Variants in TUBAL3 observed in about 807,000 individuals in gnomAD.
TUBAL3 encodes the protein tubulin alpha like 3.
TUBAL3 carries 16 observed loss-of-function variants against 15.5 expected under a neutral mutation model. The ratio of observed to expected loss-of-function variants is 1.04; its 90% CI spans 0.70 to 1.57. TUBAL3 has a LOEUF of 1.57. TUBAL3 is among the 40% of genes most tolerant of loss of function. TUBAL3 has a pLI of 0.00. For synonymous variants in TUBAL3, 238 were observed against 224.3 expected (o/e 1.06, Z -0.55); for missense variants, 609 against 576.2 (o/e 1.06, Z -0.58).
In TUBAL3 at chr10:5,394,344, T is replaced by C; in HGVS notation, c.514A>G (p.Thr172Ala). The change falls in exon 4 of 4, where the codon ACT (threonine) becomes GCT (alanine). Residue 172 changes from threonine to alanine, a missense_variant. Transcript: ENST00000380419. This position sits in a 1 kb window ranked among gnomAD's most constrained non-coding sequence, Gnocchi z 4.3. ...GGGTAGACCGAGAACTCCAGCTTAG[T>C]CTTTCTGCTATATTCTCCTGTGAGC... Reference protein sequence around the residue: ...ERLTGEYSRKTKLEFSVYPAP... With the variant: ...ERLTGEYSRKAKLEFSVYPAP... 6.2e-7 allele frequency: 1 copy of C among 1,614,182 alleles called. No individual in the cohort carries two copies. The highest frequency in any genetic ancestry group is 1.1e-5 in the South Asian group (1 of 91,076).
chr10:5,402,907 A>C (rs1831878505), intron 1 of TUBAL3, among the ~76,000 whole-genome samples: 1 of 152,160 alleles, frequency 6.6e-6, no homozygotes, highest in African/African-American at 2.4e-5. Flanking sequence ...TGGTGCCAAA[A>C]AGTTGAGGAC....
At position 5,393,490 on chromosome 10, in the gene TUBAL3, C is replaced by T. The variant is rs1831707269; in HGVS notation, c.*27G>A. On this transcript the variant is annotated 3_prime_UTR_variant, in exon 4 of 4. Coordinates refer to ENST00000380419, the MANE Select transcript of TUBAL3 (RefSeq NM_024803.3). ...AAGAAAACATGCCATTTTAACTTGA[C>T]ATTCATTTGCACCCATCATACATGC... 5 of 1,540,360 alleles carry T rather than the reference C, an allele frequency of 3.2e-6. No individual in the cohort carries two copies. Among genetic ancestry groups the T allele is most frequent in the Non-Finnish European group, 4.4e-6 (5 of 1,141,412 alleles).
chr10:5,398,878 T>C (rs1312057964), intron 2 of TUBAL3, among the ~76,000 whole-genome samples: 1 of 152,200 alleles, frequency 6.6e-6, no homozygotes, highest in East Asian at 1.9e-4. Flanking sequence ...ACACTTGTTG[T>C]AGAAATGTCT....
In TUBAL3 at chr10:5,396,634, G is replaced by C. The variant is rs1475779535; in HGVS notation, c.248-1159C>G. Among the ~76,000 whole-genome samples, 3 of 152,240 alleles carry C rather than the reference G, an allele frequency of 2.0e-5. No individual in the cohort carries two copies. Among genetic ancestry groups the C allele is most frequent in the African/African-American group, 7.2e-5 (3 of 41,462 alleles). ...AATGCCCACACGACCCAAATGCTGA[G>C]TGCATAAATGCATGACGCAGGACAA... On this transcript the variant is annotated intron_variant, in intron 2 of 3. Transcript: ENST00000380419. The surrounding 1 kb of genome is among the most constrained non-coding windows in gnomAD (Gnocchi z 5.1).
intron 2 of TUBAL3, among the ~76,000 whole-genome samples, chr10:5,399,107 A>T (rs782056271): frequency 6.6e-6 from 1 of 152,230 alleles, no homozygotes; most frequent in Non-Finnish European, 1.5e-5. Flanking sequence ...AGTGATCTTA[A>T]GCAAGTTCCT....
In TUBAL3 at chr10:5,400,934, T is replaced by C; in HGVS notation, c.157A>G (p.Asn53Asp). ...CAGAAGAAGGTATCGAAAGATGCAT[T>C]TGTGTGCTCCATTTTTGCATTTTCC... Reference protein sequence around the residue: ...QLENAKMEHTNASFDTFFCET... With the variant: ...QLENAKMEHTDASFDTFFCET... Residue 53 changes from asparagine to aspartate, a missense_variant, in exon 2 of 4, where the codon AAT becomes GAT. Asn to Asp is a conservative substitution (Grantham distance 23, BLOSUM62 1). Coordinates refer to ENST00000380419, the MANE Select transcript of TUBAL3 (RefSeq NM_024803.3). 1.1e-5 allele frequency: 18 copies of C among 1,614,228 alleles called. No individual in the cohort carries two copies. Among genetic ancestry groups the C allele is most frequent in the Non-Finnish European group, 1.5e-5 (18 of 1,180,036 alleles).
In TUBAL3 at chr10:5,397,209, G is replaced by A. The variant is rs556817985; in HGVS notation, c.248-1734C>T. On this transcript the variant is annotated intron_variant, in intron 2 of 3. Transcript: ENST00000380419. This position sits in a 1 kb window ranked among gnomAD's most constrained non-coding sequence, Gnocchi z 4.9. ...GTTTCTGTTTAATAAGAGCACGATT[G>A]TTTTTCAATTCACCGTGCCTTCCGT... Among the ~76,000 whole-genome samples, 1 of 152,246 alleles carries A rather than the reference G, an allele frequency of 6.6e-6. No individual in the cohort carries two copies. The highest frequency in any genetic ancestry group is 2.1e-4 in the South Asian group (1 of 4,814).
At chr10:5,403,024 C>A (rs1313011375) in intron 1 of TUBAL3, among the ~76,000 whole-genome samples, 1 of 152,196 alleles carries the variant, frequency 6.6e-6, no homozygotes, top group South Asian at 2.1e-4. Context: ...TGGCATCAAA[C>A]CTTTGTACTT....
At chr10:5,402,728 C>A (rs1423878126) in intron 1 of TUBAL3, among the ~76,000 whole-genome samples, 2 of 152,252 alleles carry the variant, frequency 1.3e-5, no homozygotes, top group Non-Finnish European at 2.9e-5. Flanking sequence ...GCATTAGATT[C>A]TCATAGGGGC....
rs188849229 is a variant in TUBAL3 at position 5,397,265 on chromosome 10, T to G, written c.248-1790A>C. On this transcript the variant is annotated intron_variant, in intron 2 of 3. Transcript: ENST00000380419. This position sits in a 1 kb window ranked among gnomAD's most constrained non-coding sequence, Gnocchi z 4.9. ...ACCATGAATTTCTAAACTCCAATTT[T>G]GCAACCTCTCAAATAATATTTATTG... Among the ~76,000 whole-genome samples the G allele has an allele frequency of 1.4e-4, 21 of 152,340 alleles. No individual in the cohort carries two copies. The highest frequency in any genetic ancestry group is 5.1e-4 in the African/African-American group (21 of 41,580).
chr10:5,402,454 C>G (rs1236082743), intron 1 of TUBAL3, among the ~76,000 whole-genome samples: 3 of 152,206 alleles, frequency 2.0e-5, no homozygotes, highest in African/African-American at 7.2e-5. Flanking sequence ...CATCAGGACC[C>G]TTTGGGCTGT....
chr10:5,402,845 C>T (rs1831877743), intron 1 of TUBAL3, among the ~76,000 whole-genome samples: 1 of 152,220 alleles, frequency 6.6e-6, no homozygotes, highest in African/African-American at 2.4e-5. Context: ...CATCCAGAAA[C>T]CATCCCCACT....
chr10:5,400,705 C>G (rs1831836546), intron 2 of TUBAL3, 139 bp downstream of exon 2: 1 of 983,694 alleles, frequency 1.0e-6, no homozygotes, highest in Non-Finnish European at 1.5e-6. Flanking sequence ...TCACCCATGG[C>G]CACTGAGTAA....
rs1442811143 is a variant in TUBAL3, at chr10:5,393,252, T to G, written c.*265A>C. The stretch of plus-strand genomic sequence containing the variant: ...ATTGTCTCTTGGTAAAACAAAAAAA[T>G]CCCACCTAGAAGTGACTCAGCAGTT... On this transcript the variant is annotated 3_prime_UTR_variant, in exon 4 of 4. Coordinates refer to ENST00000380419, the MANE Select transcript of TUBAL3 (RefSeq NM_024803.3). 2 of 359,000 alleles carry G rather than the reference T, an allele frequency of 5.6e-6. No individual in the cohort carries two copies. Among genetic ancestry groups the G allele is most frequent in the Non-Finnish European group, 9.9e-6 (2 of 201,028 alleles). 22.2% of individuals were successfully genotyped at this position (359,000 alleles called of 1,614,324 possible). A position where few individuals can be genotyped will look rare whatever the true frequency, so the allele number is the denominator to read the frequency against.
chr10:5,399,640 A>G (rs1187746583), intron 2 of TUBAL3, among the ~76,000 whole-genome samples: 1 of 152,192 alleles, frequency 6.6e-6, no homozygotes, highest in African/African-American at 2.4e-5. Flanking sequence ...TCATCTTTGT[A>G]CTTCTATCAC....
rs1265667943 is a variant in TUBAL3 at position 5,394,114 on chromosome 10, G to A, written c.744C>T (p.Ser248=). 6.8e-6 allele frequency: 11 copies of A among 1,614,092 alleles called. No individual in the cohort carries two copies. The highest frequency in any genetic ancestry group is 9.3e-6 in the Non-Finnish European group (11 of 1,180,050). The part of the protein sequence containing the change: ...VVQVVSSITA[S]LRFEGPLNVD... ...CATTCAAGGGCCCTTCAAACCGGAG[G>A]GAGGCAGTGATGGAAGATACCACCT... The change falls in exon 4 of 4, where the codon TCC becomes TCT. Residue 248 remains serine (S), a synonymous_variant. Coordinates refer to ENST00000380419, the MANE Select transcript of TUBAL3 (RefSeq NM_024803.3). The surrounding 1 kb of genome is among the most constrained non-coding windows in gnomAD (Gnocchi z 4.3).
At chr10:5,404,740 T>C in intron 1 of TUBAL3, 50 bp downstream of exon 1, 1 of 1,604,520 alleles carries the variant, frequency 6.2e-7, no homozygotes. Context: ...AAGGGCCAAA[T>C]ATGATTAGTA....
At chr10:5,401,310 A>G (rs1831848289) in intron 1 of TUBAL3, among the ~76,000 whole-genome samples, 1 of 152,236 alleles carries the variant, frequency 6.6e-6, no homozygotes, top group South Asian at 2.1e-4. Context: ...TAAAAAGTTT[A>G]TTTTAACAAC....
In TUBAL3 at chr10:5,397,336, C is replaced by T. The variant is rs1831780374; in HGVS notation, c.248-1861G>A. Among the ~76,000 whole-genome samples, 1 of 152,122 alleles carries T rather than the reference C, an allele frequency of 6.6e-6. No homozygotes were observed. The highest frequency in any genetic ancestry group is 1.5e-5 in the Non-Finnish European group (1 of 68,012). ...TTAACTAGCTTACACACAAACCTCC[C>T]CCAGAGCTAGGATGTTTAAAAGATA... On this transcript the variant is annotated intron_variant, in intron 2 of 3. Coordinates refer to ENST00000380419, the MANE Select transcript of TUBAL3 (RefSeq NM_024803.3). This position sits in a 1 kb window ranked among gnomAD's most constrained non-coding sequence, Gnocchi z 4.9.
Sources: allele counts gnomAD v4.1 joint callset (sites outside exome capture counted in the v4.1 genomes callset), GRCh38; gene constraint gnomAD v4.1.1; non-coding constraint Gnocchi (gnomAD v3.1); transcripts MANE v1.5; gene names NCBI Gene and HGNC (gene_info 2026-07-23, HGNC 2026-07-21).